Variants in IL16 observed in about 807,000 individuals in gnomAD.
The protein encoded by IL16 is interleukin 16, also known as pro-interleukin-16.
In IL16, 67 loss-of-function variants were observed where a neutral mutation model predicts 110.1. The ratio of observed to expected loss-of-function variants is 0.61; its 90% CI spans 0.50 to 0.75. IL16 has a LOEUF of 0.75. Among genes scored for constraint, IL16 ranks in the 30% least tolerant of loss-of-function variants. The pLI is 0.00. For missense variants in IL16, 1,545 were observed against 1,655.0 expected, an observed-to-expected ratio of 0.93 and a Z score of 1.15; for synonymous variants, 689 against 662.9, an observed-to-expected ratio of 1.04 and a Z score of -0.61.
chr15:81,204,222 G>A (rs1895926349), intron 1 of IL16, among the ~76,000 whole-genome samples: 2 of 152,044 alleles, frequency 1.3e-5, no homozygotes, highest in Admixed American at 1.3e-4. Flanking sequence ...GAGATTTTGG[G>A]CTGAGACGAT....
Position 81,310,513 on chromosome 15 carries a change from C to G in IL16, c.*1715C>G, listed in dbSNP as rs138710157. 3 of 152,174 alleles carry G rather than the reference C, an allele frequency of 2.0e-5. No individual in the cohort carries two copies. The highest frequency in any genetic ancestry group is 4.8e-5 in the African/African-American group (2 of 41,422). 9.4% of individuals were successfully genotyped at this position (152,174 alleles called of 1,614,324 possible). ...GCAATTAGACAAGAACTTGGAGGCA[C>G]CATTTGTATCCACTTTTTAGACTTA... On this transcript the variant is annotated 3_prime_UTR_variant, in exon 19 of 19. Coordinates refer to ENST00000683961, the MANE Select transcript of IL16 (RefSeq NM_172217.5).
intron 14 of IL16, among the ~76,000 whole-genome samples, chr15:81,300,795 G>A (rs1900245493): frequency 6.6e-6 from 1 of 152,188 alleles, no homozygotes; most frequent in South Asian, 2.1e-4. Context: ...GATTTGGAAG[G>A]TTGATGCACA....
rs1035599858 is a variant in IL16, at chr15:81,278,734, T to A, written c.791-83T>A. 1.3e-5 allele frequency: 12 copies of A among 912,496 alleles called. No individual in the cohort carries two copies. The South Asian group carries it at 1.6e-4, about 12-fold the overall frequency. The allele number at this position is 912,496 out of a possible 1,614,324, so 56.5% of individuals were successfully genotyped here. On this transcript the variant is annotated intron_variant, in intron 6 of 18. Transcript: ENST00000683961. ...TGCATCATACAAAAAGCCGGGCAGTTGGGGAGACTAGAGTTAAAGGTAATG... is the reference window on the plus strand; with the variant it reads ...TGCATCATACAAAAAGCCGGGCAGTAGGGGAGACTAGAGTTAAAGGTAATG...
chr15:81,217,747 T>C (rs1896482205), intron 1 of IL16, among the ~76,000 whole-genome samples: 1 of 152,230 alleles, frequency 6.6e-6, no homozygotes, highest in African/African-American at 2.4e-5. Context: ...CATTAGTTTA[T>C]TTCTTCATTT....
At chr15:81,215,888 T>G (rs1448640108) in intron 1 of IL16, among the ~76,000 whole-genome samples, 1 of 152,190 alleles carries the variant, frequency 6.6e-6, no homozygotes, top group African/African-American at 2.4e-5. Context: ...CATGGTTGGA[T>G]TCTGGCTGCA....
At chr15:81,225,874 A>T (rs1032976742) in intron 2 of IL16, among the ~76,000 whole-genome samples, 163 bp downstream of exon 2, 1 of 152,224 alleles carries the variant, frequency 6.6e-6, no homozygotes, top group Non-Finnish European at 1.5e-5. Context: ...AACTGTAACA[A>T]TGAGTATGGG....
intron 2 of IL16, among the ~76,000 whole-genome samples, chr15:81,240,843 G>GT (rs1897315314): frequency 6.6e-6 from 1 of 151,722 alleles, no homozygotes; most frequent in Non-Finnish European, 1.5e-5. Context: ...TTATGCTTTT[G>GT]TATCTTATTA....
At chr15:81,306,398 A>G (rs1371204015) in intron 17 of IL16, 22 bp from the exon 18 acceptor site, 1 of 1,613,134 alleles carries the variant, frequency 6.2e-7, no homozygotes, top group Non-Finnish European at 8.5e-7. Context: ...GATCCCTAAC[A>G]GAGACCTTGT....
chr15:81,230,749 G>A (rs994359906), intron 2 of IL16, among the ~76,000 whole-genome samples: 9 of 152,108 alleles, frequency 5.9e-5, no homozygotes, highest in African/African-American at 2.2e-4. Context: ...TCCCTAGAAG[G>A]AATGGGTACA....
At chr15:81,226,265 A>T (rs908903659) in intron 2 of IL16, among the ~76,000 whole-genome samples, 5 of 152,200 alleles carry the variant, frequency 3.3e-5, no homozygotes, top group Admixed American at 1.3e-4. Context: ...GGGAGGGGGA[A>T]ATAAGCAGTG....
chr15:81,239,795 GTTTGT>G (rs1324365698), intron 2 of IL16, among the ~76,000 whole-genome samples: 20 of 151,580 alleles, frequency 1.3e-4, no homozygotes, highest in African/African-American at 4.9e-4. Flanking sequence ...TTGTTTGTTT[GTTTGT>G]TTTTGGCTTT....
At chr15:81,206,827 G>C (rs1213293762) in intron 1 of IL16, among the ~76,000 whole-genome samples, 4 of 151,902 alleles carry the variant, frequency 2.6e-5, no homozygotes, top group Non-Finnish European at 4.4e-5. Context: ...CTGGGTTGGG[G>C]CCAAAAGGAT....
chr15:81,206,866 AATG>A (rs5814044), intron 1 of IL16, among the ~76,000 whole-genome samples: 98 of 150,968 alleles, frequency 6.5e-4, no homozygotes, highest in African/African-American at 2.1e-3. Context: ...GGCTTTAAAT[AATG>A]ATGATGATGA....
At chr15:81,292,499 G>A in intron 11 of IL16, 57 bp from the exon 12 acceptor site, 1 of 1,612,524 alleles carries the variant, frequency 6.2e-7, no homozygotes, top group South Asian at 1.1e-5. Flanking sequence ...TGAGGCCAGG[G>A]GGTATTTCTG....
chr15:81,285,862 A>G, intron 10 of IL16, 32 bp downstream of exon 10: 3 of 1,611,696 alleles, frequency 1.9e-6, no homozygotes, highest in Non-Finnish European at 2.5e-6. Flanking sequence ...TCTTCTTCTC[A>G]GGCTCACTCG....
At chr15:81,219,602 A>G (rs1350170446) in intron 1 of IL16, among the ~76,000 whole-genome samples, 6 of 152,116 alleles carry the variant, frequency 3.9e-5, no homozygotes, top group South Asian at 2.1e-4. Flanking sequence ...TGAAAGTGCA[A>G]TGGTCCCTGT....
At position 81,304,558 on chromosome 15, in the gene IL16, G is replaced by A. The variant is rs17875527; in HGVS notation, c.3420+908G>A. Among the ~76,000 whole-genome samples, 500 of 152,294 alleles carry A rather than the reference G, an allele frequency of 3.3e-3. 3 individuals carry two copies. Among genetic ancestry groups the A allele is most frequent in the African/African-American group, 0.012 (483 of 41,560 alleles). On this transcript the variant is annotated intron_variant, in intron 16 of 18. Coordinates refer to ENST00000683961, the MANE Select transcript of IL16 (RefSeq NM_172217.5). ...TCCAGATGATTAAAAGGGAACTAAC[G>A]TAGAGCACCATCCACGGCCATGCTG...
At position 81,312,461 on chromosome 15, in the gene IL16, A is replaced by G. The variant is rs1900910734; in HGVS notation, c.*3663A>G. 1 of 152,314 alleles carries G rather than the reference A, an allele frequency of 6.6e-6. No homozygotes were observed. The highest frequency in any genetic ancestry group is 2.1e-4 in the South Asian group (1 of 4,830). 9.4% of individuals were successfully genotyped at this position (152,314 alleles called of 1,614,324 possible). ...GGAAAGGCAAATGCCCAAGGGAAAG[A>G]AAAGGAAGGCTCTTCTCCCCAGAGT... On this transcript the variant is annotated 3_prime_UTR_variant, in exon 19 of 19. Coordinates refer to ENST00000683961, the MANE Select transcript of IL16 (RefSeq NM_172217.5).
At chr15:81,227,785 C>T (rs1054287722) in intron 2 of IL16, among the ~76,000 whole-genome samples, 3 of 151,180 alleles carry the variant, frequency 2.0e-5, no homozygotes, top group South Asian at 2.1e-4. Flanking sequence ...CCAGAAATGA[C>T]GTGGCTTGGA....
Sources: allele counts gnomAD v4.1 joint callset (sites outside exome capture counted in the v4.1 genomes callset), GRCh38; gene constraint gnomAD v4.1.1; transcripts MANE v1.5; gene names NCBI Gene and HGNC (gene_info 2026-07-23, HGNC 2026-07-21).